MYRFL: variants seen among roughly 807,000 people sequenced by gnomAD.
MYRFL encodes myelin regulatory factor like.
A neutral mutation model predicts 109.4 loss-of-function variants in MYRFL; 88 were observed. The observed-to-expected ratio is 0.80, with a 90% confidence interval of 0.68 to 0.96. MYRFL has a LOEUF of 0.96. Among genes scored for constraint, MYRFL ranks in the 40% least tolerant of loss-of-function variants. The probability of loss-of-function intolerance (pLI) is 0.00; values close to 1 mark genes in which losing one functional copy is unlikely to be tolerated. For synonymous variants in MYRFL, 324 were observed against 320.9 expected, an observed-to-expected ratio of 1.01 and a Z score of -0.10; for missense variants, 957 against 954.9, an observed-to-expected ratio of 1.00 and a Z score of -0.03.
At chr12:69,917,577 T>C (rs1049717390) in intron 13 of MYRFL, among the ~76,000 whole-genome samples, 2 of 152,172 alleles carry the variant, frequency 1.3e-5, no homozygotes, top group African/African-American at 4.8e-5. Flanking sequence ...GTTTCTGTAC[T>C]GCCTTAGGCC....
At chr12:69,937,762 T>C (rs760005819) in intron 19 of MYRFL, among the ~76,000 whole-genome samples, 1 of 152,238 alleles carries the variant, frequency 6.6e-6, no homozygotes, top group Non-Finnish European at 1.5e-5. Flanking sequence ...TAGAATATGG[T>C]CAGTGGTTGA....
At chr12:69,858,790 G>A (rs1387499312) in intron 2 of MYRFL, among the ~76,000 whole-genome samples, 2 of 151,644 alleles carry the variant, frequency 1.3e-5, no homozygotes, top group Middle Eastern at 3.4e-3. Context: ...CAAATAGGTA[G>A]CTTTTGATGT....
intron 2 of MYRFL, among the ~76,000 whole-genome samples, chr12:69,872,648 G>A (rs1246380763): frequency 6.6e-6 from 1 of 151,810 alleles, no homozygotes; most frequent in Non-Finnish European, 1.5e-5. Context: ...TTACAGGTGT[G>A]CGCCACTGTG....
Position 69,855,292 on chromosome 12 carries a change from A to G in MYRFL, c.59A>G (p.Asn20Ser), listed in dbSNP as rs763208695. The G allele has an allele frequency of 2.8e-5, 20 of 702,360 alleles. No individual in the cohort carries two copies. Among genetic ancestry groups the G allele is most frequent in the South Asian group, 7.4e-5 (5 of 67,506 alleles). 43.5% of individuals were successfully genotyped at this position (702,360 alleles called of 1,614,324 possible). Residue 20 changes from asparagine to serine, a missense_variant, in exon 2 of 25, where the codon AAT becomes AGT. Coordinates refer to ENST00000552032, the MANE Select transcript of MYRFL (RefSeq NM_182530.3). ...TTTGCCTTTGCAGCTCAGGGAGCCA[A>G]TGGTACTCTGGAGAACCCAGCCCTG... is the stretch of plus-strand genomic sequence containing the variant. ...LQQFFEAQGA[N>S]GTLENPALDT...
At chr12:69,944,773 A>T (rs1955780408) in intron 19 of MYRFL, among the ~76,000 whole-genome samples, 2 of 152,166 alleles carry the variant, frequency 1.3e-5, no homozygotes, top group African/African-American at 4.8e-5. Context: ...GAAATACCTA[A>T]TGTAGATGAC....
At chr12:69,848,684 T>G (rs1415934556) in intron 1 of MYRFL, among the ~76,000 whole-genome samples, 1 of 152,214 alleles carries the variant, frequency 6.6e-6, no homozygotes, top group Non-Finnish European at 1.5e-5. Context: ...ATATGCAAAT[T>G]ATTTCCACCT....
At chr12:69,943,820 C>G (rs1955744855) in intron 19 of MYRFL, among the ~76,000 whole-genome samples, 1 of 151,772 alleles carries the variant, frequency 6.6e-6, no homozygotes, top group Non-Finnish European at 1.5e-5. Context: ...CTACAATGAA[C>G]TCAAACACAT....
At chr12:69,927,598 T>G in intron 14 of MYRFL, 87 bp from the exon 15 acceptor site, 1 of 944,064 alleles carries the variant, frequency 1.1e-6, no homozygotes, top group East Asian at 2.7e-5. Context: ...GAAAGTCATA[T>G]TGCTATGTTA....
intron 19 of MYRFL, among the ~76,000 whole-genome samples, chr12:69,948,856 C>T (rs900969883): frequency 2.6e-5 from 4 of 152,184 alleles, no homozygotes; most frequent in Non-Finnish European, 1.5e-5. Flanking sequence ...AGTCTAGCTT[C>T]CCATGTTCTT....
In MYRFL at chr12:69,926,661, T is replaced by C. The variant is rs1955094025; in HGVS notation, c.1693T>C (p.Trp565Arg). 2 of 1,527,288 alleles carry C rather than the reference T, an allele frequency of 1.3e-6. No individual in the cohort carries two copies. The highest frequency in any genetic ancestry group is 8.8e-7 in the Non-Finnish European group (1 of 1,141,804). The allele number at this position is 1,527,288 out of a possible 1,614,324, so 94.6% of individuals were successfully genotyped here. Residue 565 changes from tryptophan to arginine, a missense_variant, in exon 14 of 25, where the codon TGG (tryptophan) becomes CGG (arginine). Coordinates refer to ENST00000552032, the MANE Select transcript of MYRFL (RefSeq NM_182530.3). The part of the protein sequence containing the change: ...LEERIEELEI[W>R]NRKLARLKRL... The stretch of plus-strand genomic sequence containing the variant: ...GGAAAGAATAGAAGAGTTAGAAATA[T>C]GGAACAGAAAGCTGGCCCGGCTAAA...
Position 69,936,583 on chromosome 12 carries a change from T to C in MYRFL, c.2175T>C (p.Pro725=). 6.5e-7 allele frequency: 1 copy of C among 1,535,902 alleles called. No individual in the cohort carries two copies. The highest frequency in any genetic ancestry group is 8.7e-7 in the Non-Finnish European group (1 of 1,146,736). The stretch of plus-strand genomic sequence containing the variant: ...GAATGAAAGAAGTCTCTTCAAGTCC[T>C]GTGCAAAGACAATCTGAGGAGAAGG... ...IRGMKEVSSS[P]VQRQSEEKEF... is the part of the protein sequence containing the mutation. The change falls in exon 19 of 25, where the codon CCT becomes CCC. Residue 725 remains proline, a synonymous_variant. Transcript: ENST00000552032.
rs919761031 is a variant in MYRFL, at chr12:69,958,835, C to G, written c.*304C>G. The G allele has an allele frequency of 1.9e-5, 5 of 264,900 alleles. No homozygotes were observed. The East Asian group carries it at 3.9e-4, about 21-fold the overall frequency. 16.4% of individuals were successfully genotyped at this position (264,900 alleles called of 1,614,324 possible). On this transcript the variant is annotated 3_prime_UTR_variant, in exon 25 of 25. Transcript: ENST00000552032. ...TTTCTGGTATTAAGGAAGTTGTGAG[C>G]TCAAAATAAGGAGATCTAGCCTCTA...
intron 2 of MYRFL, among the ~76,000 whole-genome samples, chr12:69,873,749 G>A (rs965913588): frequency 6.6e-6 from 1 of 152,068 alleles, no homozygotes; most frequent in Non-Finnish European, 1.5e-5. Flanking sequence ...TTGGACCAAG[G>A]TTGATTGTGG....
At chr12:69,869,866 G>C (rs1301805933) in intron 2 of MYRFL, among the ~76,000 whole-genome samples, 1 of 152,096 alleles carries the variant, frequency 6.6e-6, no homozygotes, top group Non-Finnish European at 1.5e-5. Flanking sequence ...AGAAATACTG[G>C]CTGCATTGAG....
intron 19 of MYRFL, among the ~76,000 whole-genome samples, chr12:69,942,272 T>A (rs1447760123): frequency 7.0e-6 from 1 of 142,772 alleles, no homozygotes; most frequent in African/African-American, 2.6e-5. Flanking sequence ...TGAACACTGA[T>A]GCAAAAATCC....
intron 6 of MYRFL, among the ~76,000 whole-genome samples, chr12:69,889,195 T>C (rs1565999612): frequency 1.3e-5 from 2 of 151,940 alleles, no homozygotes; most frequent in Admixed American, 1.3e-4. Flanking sequence ...TGCCCTCCTC[T>C]GCTTGCAGAG....
intron 13 of MYRFL, among the ~76,000 whole-genome samples, chr12:69,911,982 C>G (rs1279959068): frequency 6.6e-6 from 1 of 152,214 alleles, no homozygotes; most frequent in African/African-American, 2.4e-5. Context: ...TAATGCCAAT[C>G]TTACCAACCT....
chr12:69,866,531 G>A (rs1424900792), intron 2 of MYRFL, among the ~76,000 whole-genome samples: 1 of 152,076 alleles, frequency 6.6e-6, no homozygotes, highest in Non-Finnish European at 1.5e-5. Context: ...CAGGGTTTTT[G>A]TTTTGTTTTG....
rs1006361932 is a variant in MYRFL, at chr12:69,927,878, A to G, written c.1830+130A>G. The G allele has an allele frequency of 4.0e-5, 31 of 775,720 alleles. No individual in the cohort carries two copies. In the African/African-American group the frequency reaches 5.4e-4, roughly 14 times the overall value. 48.1% of individuals were successfully genotyped at this position (775,720 alleles called of 1,614,324 possible). ...CCTAGTTTGCATCCTTATGTACTAT[A>G]TGTGTTTAAATATTAGCCCTCTAGT... On this transcript the variant is annotated intron_variant, in intron 15 of 24. Transcript: ENST00000552032.
Sources: gnomAD v4.1 joint callset for allele counts (sites outside exome capture counted in the v4.1 genomes callset) on GRCh38, gnomAD v4.1.1 for gene constraint, MANE v1.5 for transcripts, NCBI Gene and HGNC (gene_info 2026-07-23, HGNC 2026-07-21) for gene names.